PIEZO2: variants seen among roughly 807,000 people sequenced by gnomAD.
PIEZO2 encodes piezo-type mechanosensitive ion channel component 2.
In PIEZO2, 172 loss-of-function variants were observed where a neutral mutation model predicts 337.3. That is an observed-to-expected ratio of 0.51 (90% CI 0.45 to 0.58). The LOEUF (loss-of-function observed/expected upper bound fraction) is 0.58. PIEZO2 is among the 20% of genes least tolerant of loss of function. The pLI is 0.00. For synonymous variants in PIEZO2, 1,251 were observed against 1,228.5 expected (o/e 1.02, Z -0.38); for missense variants, 3,028 against 3,391.3 (o/e 0.89, Z 2.66).
chr18:10,865,118 G>C (rs185041898), intron 5 of PIEZO2, among the ~76,000 whole-genome samples: 2 of 152,330 alleles, frequency 1.3e-5, no homozygotes, highest in East Asian at 3.9e-4. Context: ...GAGAAGGGCA[G>C]GGTGGCTACA....
chr18:10,816,088 A>G (rs2040355801), intron 7 of PIEZO2, among the ~76,000 whole-genome samples: 1 of 152,164 alleles, frequency 6.6e-6, no homozygotes, highest in South Asian at 2.1e-4. Context: ...GCAGACACCT[A>G]AGTCTCATGC....
chr18:11,008,119 AT>A (rs1050039013), intron 2 of PIEZO2, among the ~76,000 whole-genome samples: 1 of 152,064 alleles, frequency 6.6e-6, no homozygotes, highest in South Asian at 2.1e-4. Context: ...CCTTTTACCA[AT>A]TTTTTTCCCA....
At chr18:10,880,370 A>G (rs185695209) in intron 4 of PIEZO2, among the ~76,000 whole-genome samples, 1 of 152,226 alleles carries the variant, frequency 6.6e-6, no homozygotes, top group Non-Finnish European at 1.5e-5. Context: ...CTCACCTTAC[A>G]AAGTGACTTC....
chr18:10,810,788 A>C (rs2040163549), intron 7 of PIEZO2, among the ~76,000 whole-genome samples: 2 of 152,178 alleles, frequency 1.3e-5, no homozygotes, highest in Non-Finnish European at 2.9e-5. Flanking sequence ...TTGGCAATGA[A>C]GATCCAAGAA....
chr18:10,779,628 T>C (rs753471928), intron 18 of PIEZO2, among the ~76,000 whole-genome samples: 2 of 152,248 alleles, frequency 1.3e-5, no homozygotes, highest in Non-Finnish European at 2.9e-5. Context: ...TTCAATAATA[T>C]GTTGATCTTT....
chr18:10,910,155 T>G (rs1270217806), intron 4 of PIEZO2, among the ~76,000 whole-genome samples: 1 of 152,202 alleles, frequency 6.6e-6, no homozygotes, highest in Non-Finnish European at 1.5e-5. Flanking sequence ...ACTGTGACAG[T>G]AAAATGAAAT....
rs991532294 is a variant in PIEZO2, at chr18:10,850,334, T to C, written c.917+5019A>G. On this transcript the variant is annotated intron_variant, in intron 7 of 55. Coordinates refer to ENST00000674853, the MANE Select transcript of PIEZO2 (RefSeq NM_001378183.1). This position sits in a 1 kb window ranked among gnomAD's most constrained non-coding sequence, Gnocchi z 4.5. ...CGGCGTGGAATTTCAGTTTATACCATATGCATGGGGAGGGCATCGCAAACC... is the reference window on the plus strand; with the variant it reads ...CGGCGTGGAATTTCAGTTTATACCACATGCATGGGGAGGGCATCGCAAACC... 5.9e-5 allele frequency among the ~76,000 whole-genome samples: 9 copies of C among 152,176 alleles called. No individual in the cohort carries two copies. Among genetic ancestry groups the C allele is most frequent in the African/African-American group, 2.2e-4 (9 of 41,446 alleles).
Position 10,715,743 on chromosome 18 carries a change from GA to G in PIEZO2, c.5162del (p.Phe1721SerfsTer19). 7.8e-6 allele frequency: 12 copies of G among 1,535,544 alleles called. No homozygotes were observed. Among genetic ancestry groups the G allele is most frequent in the Non-Finnish European group, 1.0e-5 (12 of 1,145,504 alleles). ...WVLFLATVDS[F>X]TTWLNSISRE... ...TTGAAATGGAGTTAAGCCAAGTAGT[GA>G]AACTGTCCACTGTTGCCAGAAATAG... On this transcript the variant is annotated frameshift_variant, in exon 38 of 56. Transcript: ENST00000674853. LOFTEE classifies it high-confidence loss of function.
At chr18:10,966,541 T>C (rs2034007133) in intron 3 of PIEZO2, among the ~76,000 whole-genome samples, 1 of 152,222 alleles carries the variant, frequency 6.6e-6, no homozygotes, top group South Asian at 2.1e-4. Context: ...CATTTCTTGT[T>C]ATAGTTTCCA....
chr18:10,682,634 C>T lies in PIEZO2; in HGVS notation c.7498-342G>A, dbSNP rs144038815. On this transcript the variant is annotated intron_variant, in intron 49 of 55. Transcript: ENST00000674853. This position sits in a 1 kb window ranked among gnomAD's most constrained non-coding sequence, Gnocchi z 5.6. Reference sequence around the variant, plus strand: ...TCAAGTATCCGGCCGAATGAACCTTCTGGTTTTAAGGGATTATGTGAGAGA... The same window carrying T: ...TCAAGTATCCGGCCGAATGAACCTTTTGGTTTTAAGGGATTATGTGAGAGA... Among the ~76,000 whole-genome samples the T allele has an allele frequency of 6.6e-5, 10 of 152,204 alleles. No individual in the cohort carries two copies. The highest frequency in any genetic ancestry group is 5.2e-4 in the Admixed American group (8 of 15,286).
chr18:11,096,624 T>G lies in PIEZO2; in HGVS notation c.65-30402A>C, dbSNP rs1198867097. ...TAAATTTCTCAGATTTATGGCTTAT[T>G]TCCTGCCCTTCACCCTCATCTCCCC... is the stretch of plus-strand genomic sequence containing the variant. On this transcript the variant is annotated intron_variant, in intron 1 of 55. Coordinates refer to ENST00000674853, the MANE Select transcript of PIEZO2 (RefSeq NM_001378183.1). This position sits in a 1 kb window ranked among gnomAD's most constrained non-coding sequence, Gnocchi z 4.6. 6.6e-6 allele frequency among the ~76,000 whole-genome samples: 1 copy of G among 152,194 alleles called. No individual in the cohort carries two copies. The highest frequency in any genetic ancestry group is 1.5e-5 in the Non-Finnish European group (1 of 68,044).
At chr18:10,901,969 C>G (rs1432415200) in intron 4 of PIEZO2, among the ~76,000 whole-genome samples, 1 of 151,888 alleles carries the variant, frequency 6.6e-6, no homozygotes, top group Non-Finnish European at 1.5e-5. Context: ...ACCCCTGGGC[C>G]TTGGACTGGT....
rs567234880 is a variant in PIEZO2 at position 10,826,814 on chromosome 18, A to G, written c.918-19540T>C. On this transcript the variant is annotated intron_variant, in intron 7 of 55. Coordinates refer to ENST00000674853, the MANE Select transcript of PIEZO2 (RefSeq NM_001378183.1). ...ATTCACCACTACGGTACCATACAGA[A>G]TAATGTCACCACCCTAAAATATTTT... 4.6e-5 allele frequency among the ~76,000 whole-genome samples: 7 copies of G among 152,354 alleles called. No homozygotes were observed. In the East Asian group the frequency reaches 1.3e-3, roughly 29 times the overall value.
rs957500195 is a variant in PIEZO2, at chr18:10,899,797, T to C, written c.329+11389A>G. On this transcript the variant is annotated intron_variant, in intron 4 of 55. Transcript: ENST00000674853. This position sits in a 1 kb window ranked among gnomAD's most constrained non-coding sequence, Gnocchi z 4.6. ...CCCCTCATGAAACCTACAATGTTCA[T>C]GCTAACACCTCTGACTTTCCTAGAA... Among the ~76,000 whole-genome samples, 1 of 152,212 alleles carries C rather than the reference T, an allele frequency of 6.6e-6. No individual in the cohort carries two copies. Among genetic ancestry groups the C allele is most frequent in the African/African-American group, 2.4e-5 (1 of 41,462 alleles).
chr18:11,021,114 G>C lies in PIEZO2; in HGVS notation c.161-41454C>G, dbSNP rs573905222. Among the ~76,000 whole-genome samples, 2 of 152,162 alleles carry C rather than the reference G, an allele frequency of 1.3e-5. No individual in the cohort carries two copies. Among genetic ancestry groups the C allele is most frequent in the Non-Finnish European group, 2.9e-5 (2 of 68,026 alleles). ...GGATGCAAACTCCAGGGGCCTCACA[G>C]GCCTGGACTATGATTCTCTTCCGTT... On this transcript the variant is annotated intron_variant, in intron 2 of 55. Coordinates refer to ENST00000674853, the MANE Select transcript of PIEZO2 (RefSeq NM_001378183.1). The surrounding 1 kb of genome is among the most constrained non-coding windows in gnomAD (Gnocchi z 4.7).
intron 7 of PIEZO2, among the ~76,000 whole-genome samples, chr18:10,820,137 A>G (rs918353175): frequency 6.6e-6 from 1 of 151,998 alleles, no homozygotes; most frequent in East Asian, 1.9e-4. Context: ...TTTTAATTAT[A>G]TTGTGTTTTT....
chr18:10,883,579 A>G lies in PIEZO2; in HGVS notation c.330-12164T>C, dbSNP rs528486176. 4.6e-5 allele frequency among the ~76,000 whole-genome samples: 7 copies of G among 152,332 alleles called. No homozygotes were observed. In the East Asian group the frequency reaches 1.3e-3, roughly 29 times the overall value. Reference sequence around the variant, plus strand: ...TGAAATCAAGTGAGTCAACACAGACATCATCTCACATACTTATCTTCTTTT... The same window carrying G: ...TGAAATCAAGTGAGTCAACACAGACGTCATCTCACATACTTATCTTCTTTT... On this transcript the variant is annotated intron_variant, in intron 4 of 55. Coordinates refer to ENST00000674853, the MANE Select transcript of PIEZO2 (RefSeq NM_001378183.1).
chr18:10,724,960 C>T lies in PIEZO2; in HGVS notation c.5029+6447G>A. 6.3e-7 allele frequency: 1 copy of T among 1,586,430 alleles called. No homozygotes were observed. The highest frequency in any genetic ancestry group is 1.1e-5 in the South Asian group (1 of 88,782). On this transcript the variant is annotated intron_variant, in intron 36 of 55. Coordinates refer to ENST00000674853, the MANE Select transcript of PIEZO2 (RefSeq NM_001378183.1). The surrounding 1 kb of genome is among the most constrained non-coding windows in gnomAD (Gnocchi z 5.8). ...GAACCCAGGTGGGCGCACCCTGCGGCCTGCAGCCTCCCTGCCTCACATTAC... is the reference window on the plus strand; with the variant it reads ...GAACCCAGGTGGGCGCACCCTGCGGTCTGCAGCCTCCCTGCCTCACATTAC...
chr18:10,709,668 G>A lies in PIEZO2; in HGVS notation c.5424-1229C>T, dbSNP rs184513956. Reference sequence around the variant, plus strand: ...TGACCACTGCAAGCCTGGGAGGAGCGAATTTGAGTTATTCACTCATGGAAC... The same window carrying A: ...TGACCACTGCAAGCCTGGGAGGAGCAAATTTGAGTTATTCACTCATGGAAC... On this transcript the variant is annotated intron_variant, in intron 39 of 55. Coordinates refer to ENST00000674853, the MANE Select transcript of PIEZO2 (RefSeq NM_001378183.1). The A allele has an allele frequency of 3.9e-5, 6 of 152,372 alleles. No homozygotes were observed. The East Asian group carries it at 5.8e-4, about 15-fold the overall frequency. The allele number at this position is 152,372 out of a possible 1,614,324, so 9.4% of individuals were successfully genotyped here.
Sources: gnomAD v4.1 joint callset for allele counts (sites outside exome capture counted in the v4.1 genomes callset) on GRCh38, gnomAD v4.1.1 for gene constraint, Gnocchi (gnomAD v3.1) non-coding constraint, MANE v1.5 for transcripts, NCBI Gene and HGNC (gene_info 2026-07-23, HGNC 2026-07-21) for gene names.